ZBTB44: variants seen among roughly 807,000 people sequenced by gnomAD.
The protein encoded by ZBTB44 is zinc finger and BTB domain-containing protein 44.
Under a neutral mutation model 54.0 loss-of-function variants are expected in ZBTB44, and 15 were observed. The observed-to-expected ratio is 0.28, with a 90% CI of 0.19 to 0.43. The LOEUF is 0.43. Among genes scored for constraint, ZBTB44 ranks in the 20% least tolerant of loss-of-function variants. The pLI is 1.00. For missense variants in ZBTB44, 487 were observed against 707.1 expected, an observed-to-expected ratio of 0.69 and a Z score of 3.53; for synonymous variants, 230 against 250.1, an observed-to-expected ratio of 0.92 and a Z score of 0.76.
chr11:130,256,056 A>G (rs1237956226), intron 2 of ZBTB44, among the ~76,000 whole-genome samples: 1 of 152,156 alleles, frequency 6.6e-6, no homozygotes, highest in Non-Finnish European at 1.5e-5. Context: ...ATTCCTAACA[A>G]CAGAAAAAGA....
intron 2 of ZBTB44, among the ~76,000 whole-genome samples, chr11:130,241,123 G>T (rs1012616015): frequency 6.6e-6 from 1 of 152,180 alleles, no homozygotes; most frequent in Admixed American, 6.5e-5. Flanking sequence ...ACTCTTGATG[G>T]ACAGTTTTTT....
chr11:130,292,117 G>C (rs1433853011), intron 1 of ZBTB44, among the ~76,000 whole-genome samples: 3 of 152,084 alleles, frequency 2.0e-5, no homozygotes, highest in Non-Finnish European at 4.4e-5. Flanking sequence ...TTTTATTGCT[G>C]AATACTATTT....
At chr11:130,273,842 G>A (rs1178793395) in intron 1 of ZBTB44, among the ~76,000 whole-genome samples, 1 of 152,130 alleles carries the variant, frequency 6.6e-6, no homozygotes, top group Non-Finnish European at 1.5e-5. Context: ...GCTGAGGCAG[G>A]TGGATCACTT....
At chr11:130,260,806 ATGTTTGAAT>A (rs1290711532) in intron 2 of ZBTB44, 41 bp downstream of exon 2, 1 of 1,520,724 alleles carries the variant, frequency 6.6e-7, no homozygotes, top group Admixed American at 2.2e-5. Flanking sequence ...GAACTTAAAA[ATGTTTGAAT>A]TGACTTTATA....
intron 2 of ZBTB44, among the ~76,000 whole-genome samples, chr11:130,245,957 G>A (rs76971705): frequency 0.013 from 1,974 of 152,270 alleles, 47 homozygotes; most frequent in African/African-American, 0.045. Flanking sequence ...ATTCTAAAAT[G>A]TCTAGATCCC....
chr11:130,285,294 T>TC (rs1299112462), intron 1 of ZBTB44: 1 of 144,124 alleles, frequency 6.9e-6, no homozygotes, highest in Non-Finnish European at 1.5e-5. Context: ...TGTTTTCTTT[T>TC]TTTTTTTTTT....
chr11:130,245,906 C>T (rs1040403061), intron 2 of ZBTB44, among the ~76,000 whole-genome samples: 5 of 152,222 alleles, frequency 3.3e-5, no homozygotes, highest in African/African-American at 9.6e-5. Flanking sequence ...GTACAAGATA[C>T]ATCTAGCAGA....
rs536776250 is a variant in ZBTB44 at position 130,284,821 on chromosome 11, A to G, written c.-56-22892T>C. ...GTAGAGGTTGCAGTGAGCTGAGATC[A>G]TGCCACTACACTCCACAGCCTGGGA... On this transcript the variant is annotated intron_variant, in intron 1 of 7. Coordinates refer to ENST00000357899, the MANE Select transcript of ZBTB44 (RefSeq NM_001301098.2). 2.6e-5 allele frequency among the ~76,000 whole-genome samples: 4 copies of G among 152,178 alleles called. No homozygotes were observed. In the East Asian group the frequency reaches 5.8e-4, roughly 22 times the overall value.
chr11:130,236,154 A>G, intron 5 of ZBTB44: 1 of 1,288,262 alleles, frequency 7.8e-7, no homozygotes, highest in Non-Finnish European at 1.0e-6. Flanking sequence ...GTGTAAAGTG[A>G]CAGGTTTAAT....
chr11:130,296,899 C>G, intron 1 of ZBTB44: 1 of 730,562 alleles, frequency 1.4e-6, no homozygotes, highest in Non-Finnish European at 2.5e-6. Context: ...AAAGTGCCTG[C>G]CTTTGTTGAT....
At chr11:130,239,533 G>T in intron 3 of ZBTB44, 1 of 272,998 alleles carries the variant, frequency 3.7e-6, no homozygotes, top group Non-Finnish European at 7.1e-6. Flanking sequence ...TACAAATAAA[G>T]GTGGTAGGCT....
At chr11:130,284,784 T>G (rs1412254961) in intron 1 of ZBTB44, among the ~76,000 whole-genome samples, 1 of 152,022 alleles carries the variant, frequency 6.6e-6, no homozygotes, top group African/African-American at 2.4e-5. Context: ...AAGAATCGCT[T>G]GAACCCAGGA....
chr11:130,295,812 T>A, intron 1 of ZBTB44: 1 of 1,390,564 alleles, frequency 7.2e-7, no homozygotes, highest in Non-Finnish European at 1.0e-6. Context: ...GCGGAGTCCT[T>A]GTTCTCTCAC....
intron 6 of ZBTB44, 30 bp downstream of exon 6, chr11:130,234,126 A>T: frequency 1.3e-6 from 2 of 1,543,972 alleles, no homozygotes; most frequent in Non-Finnish European, 1.7e-6. Context: ...CCAAGGGAAA[A>T]GTGCTTTCAC....
chr11:130,312,891 ATTTGAGGATTACAGTG>A (rs1303478220), intron 1 of ZBTB44, among the ~76,000 whole-genome samples: 2 of 152,224 alleles, frequency 1.3e-5, no homozygotes, highest in Admixed American at 1.3e-4. Context: ...ATGCCGAAAT[ATTTGAGGATTACAGTG>A]TTTGCAGCTT....
intron 1 of ZBTB44, among the ~76,000 whole-genome samples, chr11:130,283,895 G>A (rs371725954): frequency 3.4e-5 from 5 of 148,628 alleles, no homozygotes; most frequent in East Asian, 4.0e-4. Context: ...TCCTGAATCC[G>A]GGAGGTGGAG....
At chr11:130,308,898 G>A (rs901499996) in intron 1 of ZBTB44, among the ~76,000 whole-genome samples, 1 of 152,200 alleles carries the variant, frequency 6.6e-6, no homozygotes, top group Non-Finnish European at 1.5e-5. Context: ...AAGGGAAAAG[G>A]AGTCAGGCGG....
At chr11:130,312,886 G>GA (rs1218560279) in intron 1 of ZBTB44, among the ~76,000 whole-genome samples, 3 of 152,144 alleles carry the variant, frequency 2.0e-5, no homozygotes, top group Non-Finnish European at 4.4e-5. Context: ...AACACATGCC[G>GA]AAATATTTGA....
intron 1 of ZBTB44, among the ~76,000 whole-genome samples, chr11:130,290,093 G>C (rs1941213318): frequency 6.6e-6 from 1 of 152,148 alleles, no homozygotes; most frequent in African/African-American, 2.4e-5. Context: ...ACCCAGGTGG[G>C]CCCTAAATAC....
Sources: allele counts gnomAD v4.1 joint callset (sites outside exome capture counted in the v4.1 genomes callset), GRCh38; gene constraint gnomAD v4.1.1; transcripts MANE v1.5; gene names NCBI Gene and HGNC (gene_info 2026-07-23, HGNC 2026-07-21).